CDH12: variants seen among roughly 807,000 people sequenced by gnomAD.
CDH12 encodes cadherin 12, also known as cadherin-12.
Under a neutral mutation model 74.1 loss-of-function variants are expected in CDH12, and 41 were observed. The ratio of observed to expected loss-of-function variants is 0.55; its 90% CI spans 0.43 to 0.72. The LOEUF (loss-of-function observed/expected upper bound fraction) is 0.72, where lower values mean the gene tolerates loss of function less well. Among genes scored for constraint, CDH12 ranks in the 30% least tolerant of loss-of-function variants. The pLI, the probability that CDH12 is intolerant of heterozygous loss-of-function variation, is 0.00. For synonymous variants in CDH12, 399 were observed against 355.0 expected (o/e 1.12, Z -1.39); for missense variants, 945 against 977.2 (o/e 0.97, Z 0.44).
chr5:22,114,899 C>T (rs756267009), intron 4 of CDH12, among the ~76,000 whole-genome samples: 3 of 152,110 alleles, frequency 2.0e-5, no homozygotes, highest in African/African-American at 4.8e-5. Context: ...GATTCCCAGA[C>T]AAAACAACAC....
chr5:22,801,118 C>T (rs974692524), intron 1 of CDH12, among the ~76,000 whole-genome samples: 13 of 152,280 alleles, frequency 8.5e-5, no homozygotes, highest in Middle Eastern at 3.4e-3. Flanking sequence ...GGAACTACCG[C>T]ATTGTCTTCC....
chr5:22,625,211 A>G (rs916027346), intron 1 of CDH12, among the ~76,000 whole-genome samples: 1 of 152,158 alleles, frequency 6.6e-6, no homozygotes, highest in Admixed American at 6.5e-5. Flanking sequence ...CCTAATATAA[A>G]TGATGAGTTT....
At chr5:22,102,263 C>T (rs989886014) in intron 4 of CDH12, among the ~76,000 whole-genome samples, 1 of 151,786 alleles carries the variant, frequency 6.6e-6, no homozygotes, top group South Asian at 2.1e-4. Context: ...CCATCCTTTA[C>T]CAGCATTTAT....
At chr5:21,937,595 T>C (rs1200560594) in intron 6 of CDH12, among the ~76,000 whole-genome samples, 2 of 152,186 alleles carry the variant, frequency 1.3e-5, no homozygotes, top group Non-Finnish European at 2.9e-5. Flanking sequence ...TTCTTAATCA[T>C]GTATTAGGTG....
At chr5:22,809,846 A>G (rs1435546736) in intron 1 of CDH12, among the ~76,000 whole-genome samples, 1 of 152,102 alleles carries the variant, frequency 6.6e-6, no homozygotes, top group African/African-American at 2.4e-5. Context: ...AATTATCAAT[A>G]AAATATCTAC....
At chr5:22,516,989 A>G (rs889839829) in intron 1 of CDH12, among the ~76,000 whole-genome samples, 2 of 152,090 alleles carry the variant, frequency 1.3e-5, no homozygotes, top group Non-Finnish European at 2.9e-5. Context: ...AGATTACAAA[A>G]AGCTAATTTT....
intron 1 of CDH12, among the ~76,000 whole-genome samples, chr5:22,594,208 C>T: frequency 6.6e-6 from 1 of 152,176 alleles, no homozygotes; most frequent in East Asian, 1.9e-4. Flanking sequence ...CATTAAGGCC[C>T]TTCACATACT....
At chr5:22,662,870 T>G (rs1345337546) in intron 1 of CDH12, among the ~76,000 whole-genome samples, 2 of 152,110 alleles carry the variant, frequency 1.3e-5, no homozygotes, top group Non-Finnish European at 2.9e-5. Flanking sequence ...AGCCAGTCAC[T>G]CCTCCCCAAC....
chr5:21,999,106 C>T (rs1219130124), intron 5 of CDH12, among the ~76,000 whole-genome samples: 1 of 152,004 alleles, frequency 6.6e-6, no homozygotes, highest in Non-Finnish European at 1.5e-5. Context: ...AATAGTAGCC[C>T]TTTCCTTTTT....
chr5:22,009,980 A>AGAAAGAAG (rs1737208929), intron 5 of CDH12, among the ~76,000 whole-genome samples: 1 of 151,106 alleles, frequency 6.6e-6, no homozygotes, highest in Non-Finnish European at 1.5e-5. Context: ...AAGAAAAAAG[A>AGAAAGAAG]GAAAGAAGGA....
At chr5:22,358,342 A>C (rs1740651422) in intron 3 of CDH12, among the ~76,000 whole-genome samples, 1 of 151,990 alleles carries the variant, frequency 6.6e-6, no homozygotes, top group South Asian at 2.1e-4. Flanking sequence ...CCGGAGGCGG[A>C]GGTTGCAGTG....
intron 1 of CDH12, among the ~76,000 whole-genome samples, chr5:22,828,267 T>A (rs986828746): frequency 2.6e-5 from 4 of 152,172 alleles, no homozygotes; most frequent in African/African-American, 9.7e-5. Context: ...TCATTATAGG[T>A]TATAGGTTAT....
chr5:22,480,490 C>T (rs1181083764), intron 2 of CDH12, among the ~76,000 whole-genome samples: 4 of 150,676 alleles, frequency 2.7e-5, no homozygotes, highest in East Asian at 1.9e-4. Flanking sequence ...AGACAAAAGA[C>T]GGGAGAATCA....
At chr5:22,797,076 T>C (rs1748263166) in intron 1 of CDH12, among the ~76,000 whole-genome samples, 1 of 149,582 alleles carries the variant, frequency 6.7e-6, no homozygotes. Flanking sequence ...TGTGTCACGC[T>C]CAAATTCCTA....
rs547752303 is a variant in CDH12, at chr5:21,935,348, T to G, written c.526+39743A>C. The stretch of plus-strand genomic sequence containing the variant: ...CATGGCTATGCAGACATTGCTAAAC[T>G]TTCACAACATTAAGCTCTACATACC... On this transcript the variant is annotated intron_variant, in intron 6 of 14. Coordinates refer to ENST00000382254, the MANE Select transcript of CDH12 (RefSeq NM_004061.5). Among the ~76,000 whole-genome samples, 7 of 152,328 alleles carry G rather than the reference T, an allele frequency of 4.6e-5. No homozygotes were observed. In the South Asian group the frequency reaches 1.5e-3, roughly 32 times the overall value.
intron 1 of CDH12, among the ~76,000 whole-genome samples, chr5:22,809,705 A>G (rs147514227): frequency 3.7e-3 from 569 of 152,186 alleles, no homozygotes; most frequent in Non-Finnish European, 5.8e-3. Flanking sequence ...CAGAAGGTAG[A>G]TATCATTTCA....
At chr5:22,754,849 T>C (rs1371212978) in intron 1 of CDH12, among the ~76,000 whole-genome samples, 1 of 152,220 alleles carries the variant, frequency 6.6e-6, no homozygotes, top group Admixed American at 6.5e-5. Context: ...GAGGAAGTTA[T>C]ACATCAATAT....
At chr5:22,106,320 A>G (rs1580259665) in intron 4 of CDH12, among the ~76,000 whole-genome samples, 1 of 152,150 alleles carries the variant, frequency 6.6e-6, no homozygotes, top group Non-Finnish European at 1.5e-5. Context: ...CTATTTTCTA[A>G]TGTTTTTCTC....
chr5:22,025,102 G>A (rs1402787176), intron 5 of CDH12, among the ~76,000 whole-genome samples: 2 of 152,042 alleles, frequency 1.3e-5, no homozygotes, highest in Non-Finnish European at 2.9e-5. Flanking sequence ...TTAGTATTTA[G>A]AATTCTCAGA....
Sources: allele counts gnomAD v4.1 joint callset (sites outside exome capture counted in the v4.1 genomes callset), GRCh38; gene constraint gnomAD v4.1.1; transcripts MANE v1.5; gene names NCBI Gene and HGNC (gene_info 2026-07-23, HGNC 2026-07-21).